SPOCK3: variants seen among roughly 807,000 people sequenced by gnomAD.
The protein encoded by SPOCK3 is SPARC (osteonectin), cwcv and kazal like domains proteoglycan 3, also known as testican-3.
A neutral mutation model predicts 56.6 loss-of-function variants in SPOCK3; 30 were observed. The ratio of observed to expected loss-of-function variants is 0.53; its 90% CI spans 0.40 to 0.72. The LOEUF (loss-of-function observed/expected upper bound fraction) is 0.72, where lower values mean the gene tolerates loss of function less well. SPOCK3 is among the 30% of genes least tolerant of loss of function. SPOCK3 has a pLI of 0.00. For missense variants in SPOCK3, 527 were observed against 530.0 expected (o/e 0.99, Z 0.06); for synonymous variants, 196 against 183.3 (o/e 1.07, Z -0.56).
At chr4:167,110,122 A>G (rs142756222) in intron 2 of SPOCK3, among the ~76,000 whole-genome samples, 40 of 152,096 alleles carry the variant, frequency 2.6e-4, no homozygotes, top group Admixed American at 7.2e-4. Context: ...GGAGGGAAGC[A>G]CTCAGGCAAG....
intron 2 of SPOCK3, among the ~76,000 whole-genome samples, chr4:167,218,185 G>T (rs943392923): frequency 1.3e-5 from 2 of 152,100 alleles, no homozygotes; most frequent in Admixed American, 1.3e-4. Context: ...GGGCACACAG[G>T]CTGAACAATT....
intron 2 of SPOCK3, among the ~76,000 whole-genome samples, chr4:167,124,313 A>T (rs1373036119): frequency 6.6e-6 from 1 of 152,100 alleles, no homozygotes; most frequent in Non-Finnish European, 1.5e-5. Flanking sequence ...TCTCCCCTAC[A>T]CTTCAGAGAT....
At chr4:167,202,290 A>G (rs1176830319) in intron 2 of SPOCK3, among the ~76,000 whole-genome samples, 1 of 151,994 alleles carries the variant, frequency 6.6e-6, no homozygotes, top group Admixed American at 6.6e-5. Flanking sequence ...TCTATTATTT[A>G]TGCAAATCAC....
chr4:167,145,940 G>T (rs1561264429), intron 2 of SPOCK3, among the ~76,000 whole-genome samples: 2 of 152,218 alleles, frequency 1.3e-5, no homozygotes, highest in East Asian at 3.9e-4. Flanking sequence ...ACAATGGCAG[G>T]ATCAAATTCA....
intron 2 of SPOCK3, among the ~76,000 whole-genome samples, chr4:167,121,042 C>A (rs1761826044): frequency 6.6e-6 from 1 of 151,822 alleles, no homozygotes; most frequent in Admixed American, 6.6e-5. Context: ...AGTTATTCTG[C>A]AGACCCAGAA....
intron 6 of SPOCK3, among the ~76,000 whole-genome samples, chr4:166,884,644 A>C (rs1734014540): frequency 6.6e-6 from 1 of 152,154 alleles, no homozygotes; most frequent in African/African-American, 2.4e-5. Context: ...AATGAAATAG[A>C]AATGCAAAGT....
At chr4:166,769,164 T>C (rs1484097471) in intron 7 of SPOCK3, among the ~76,000 whole-genome samples, 2 of 152,184 alleles carry the variant, frequency 1.3e-5, no homozygotes, top group Non-Finnish European at 2.9e-5. Flanking sequence ...AGTTTGAGTG[T>C]CTGAAGCCTT....
Position 166,938,167 on chromosome 4 carries a change from C to G in SPOCK3, c.351-25424G>C, listed in dbSNP as rs141620178. 1.4e-3 allele frequency among the ~76,000 whole-genome samples: 214 copies of G among 152,110 alleles called. 1 individual carries two copies. Among genetic ancestry groups the G allele is most frequent in the African/African-American group, 4.5e-3 (188 of 41,506 alleles). The stretch of plus-strand genomic sequence containing the variant: ...TTTTGAAAAATTAATGCAGTGTCAT[C>G]TGAAGAATGACAGAGGGAATCCTCT... On this transcript the variant is annotated intron_variant, in intron 4 of 10. Transcript: ENST00000357545.
chr4:166,985,682 G>A (rs1348946626), intron 4 of SPOCK3, among the ~76,000 whole-genome samples: 1 of 152,090 alleles, frequency 6.6e-6, no homozygotes, highest in Admixed American at 6.6e-5. Context: ...ATGAACACTA[G>A]TATTATATAA....
chr4:166,950,211 C>T (rs568658545), intron 4 of SPOCK3, among the ~76,000 whole-genome samples: 4,176 of 151,776 alleles, frequency 0.028, 206 homozygotes, highest in African/African-American at 0.096. Flanking sequence ...CAGAGACACA[C>T]ATAGGCTCAA....
chr4:167,196,844 A>G (rs1030808601), intron 2 of SPOCK3, among the ~76,000 whole-genome samples: 1 of 152,148 alleles, frequency 6.6e-6, no homozygotes, highest in African/African-American at 2.4e-5. Flanking sequence ...TGCTTTCTCA[A>G]GGCCAGCAGG....
At chr4:167,022,019 A>G (rs1004082632) in intron 3 of SPOCK3, among the ~76,000 whole-genome samples, 1 of 152,060 alleles carries the variant, frequency 6.6e-6, no homozygotes, top group Non-Finnish European at 1.5e-5. Flanking sequence ...AAACCCTGCA[A>G]AAGTTCTGGG....
At chr4:166,778,382 A>G (rs932905852) in intron 7 of SPOCK3, among the ~76,000 whole-genome samples, 1 of 152,228 alleles carries the variant, frequency 6.6e-6, no homozygotes, top group Non-Finnish European at 1.5e-5. Context: ...AAGTAAAATC[A>G]TTCAAATGAA....
rs577240600 is a variant in SPOCK3, at chr4:167,186,752, G to A, written c.189+47233C>T. ...AGTATTTTGGGAGGCTGAGGCAGGT[G>A]GATAATCTGAGGTCAGGAGTTCAAG... On this transcript the variant is annotated intron_variant, in intron 2 of 10. Coordinates refer to ENST00000357545, the MANE Select transcript of SPOCK3 (RefSeq NM_001040159.2). Among the ~76,000 whole-genome samples the A allele has an allele frequency of 2.6e-5, 4 of 151,982 alleles. No homozygotes were observed. In the East Asian group the frequency reaches 7.8e-4, roughly 29 times the overall value.
At chr4:166,773,787 T>C (rs962073691) in intron 7 of SPOCK3, among the ~76,000 whole-genome samples, 1 of 152,196 alleles carries the variant, frequency 6.6e-6, no homozygotes, top group African/African-American at 2.4e-5. Flanking sequence ...TCACATTACA[T>C]GTATATAAGC....
intron 6 of SPOCK3, among the ~76,000 whole-genome samples, chr4:166,820,645 C>G (rs1370399087): frequency 1.3e-5 from 2 of 151,734 alleles, no homozygotes; most frequent in Non-Finnish European, 2.9e-5. Context: ...GGCAACATGG[C>G]AAAACCCCAT....
intron 2 of SPOCK3, among the ~76,000 whole-genome samples, chr4:167,217,157 A>G (rs1735444708): frequency 6.6e-6 from 1 of 152,128 alleles, no homozygotes; most frequent in South Asian, 2.1e-4. Context: ...GAATTAAACA[A>G]AAGTTTGTTA....
chr4:166,935,991 G>T (rs1561027976), intron 4 of SPOCK3, among the ~76,000 whole-genome samples: 1 of 152,164 alleles, frequency 6.6e-6, no homozygotes, highest in Non-Finnish European at 1.5e-5. Context: ...GGAAAGTTCA[G>T]ATTTTTCCTT....
chr4:166,878,708 T>C (rs568751146), intron 6 of SPOCK3, among the ~76,000 whole-genome samples: 1 of 152,242 alleles, frequency 6.6e-6, no homozygotes, highest in South Asian at 2.1e-4. Context: ...GCACATGACC[T>C]GTGACCATAA....
Sources: allele counts gnomAD v4.1 joint callset (sites outside exome capture counted in the v4.1 genomes callset), GRCh38; gene constraint gnomAD v4.1.1; transcripts MANE v1.5; gene names NCBI Gene and HGNC (gene_info 2026-07-23, HGNC 2026-07-21).